The following PBRM1 variants were observed in gnomAD, a reference collection of about 807,000 sequenced individuals.
The protein encoded by PBRM1 is protein polybromo-1.
A neutral mutation model predicts 194.5 loss-of-function variants in PBRM1; 27 were observed. The ratio of observed to expected loss-of-function variants is 0.14; its 90% CI spans 0.10 to 0.19. PBRM1 has a LOEUF of 0.19. Among genes scored for constraint, PBRM1 ranks in the 10% least tolerant of loss-of-function variants. PBRM1 has a pLI of 1.00. For missense variants in PBRM1, 1,466 were observed against 2,077.2 expected (o/e 0.71, Z 5.72); for synonymous variants, 655 against 693.2 (o/e 0.94, Z 0.87).
chr3:52,617,184 G>A (rs529354641), intron 14 of PBRM1, 78 bp downstream of exon 16: 1 of 1,127,970 alleles, frequency 8.9e-7, no homozygotes. Context: ...TCTAGAGCTG[G>A]TCTCTCAAAA....
chr3:52,580,628 C>T lies in PBRM1; in HGVS notation c.3388-1429G>A, dbSNP rs369519827. Among the ~76,000 whole-genome samples the T allele has an allele frequency of 5.4e-3, 815 of 152,248 alleles. 8 individuals are homozygous for T. Among genetic ancestry groups the T allele is most frequent in the African/African-American group, 0.018 (749 of 41,544 alleles). On this transcript the variant is annotated intron_variant, in intron 20 of 29. Transcript: ENST00000296302. ...CCACCCGCCTTGGCCTCCCAAAGTG[C>T]GGGGATTACAGGCGTGAGCCACTGC...
At chr3:52,673,265 G>A (rs1246650316) in intron 2 of PBRM1, among the ~76,000 whole-genome samples, 3 of 151,574 alleles carry the variant, frequency 2.0e-5, no homozygotes, top group African/African-American at 7.3e-5. Flanking sequence ...TGGGATTACA[G>A]GCATGAGCCA....
chr3:52,658,274 A>C (rs1309464683), exon 5 of PBRM1: 3 of 1,612,954 alleles, frequency 1.9e-6, no homozygotes, highest in Non-Finnish European at 2.5e-6. Flanking sequence ...CTATGGCTTC[A>C]AGAAGCTGCT....
At chr3:52,548,352 T>C (rs1385237184) in intron 29 of PBRM1, 117 bp from the exon 32 acceptor site, 8 of 610,268 alleles carry the variant, frequency 1.3e-5, no homozygotes, top group Non-Finnish European at 2.1e-5. Flanking sequence ...TATTAAATAT[T>C]ATGAATTTTA....
At chr3:52,661,650 G>A (rs1577918459) in intron 4 of PBRM1, among the ~76,000 whole-genome samples, 1 of 152,154 alleles carries the variant, frequency 6.6e-6, no homozygotes, top group South Asian at 2.1e-4. Context: ...AGCCAGTCAC[G>A]GGAAAAGTCA....
At chr3:52,589,195 T>C in exon 18 of PBRM1, 1 of 1,600,326 alleles carries the variant, frequency 6.2e-7, no homozygotes, top group Non-Finnish European at 8.5e-7. Flanking sequence ...GTCCTGGCTG[T>C]ATGTGCGATG....
chr3:52,639,993 G>C (rs1328778845), intron 10 of PBRM1, among the ~76,000 whole-genome samples: 4 of 152,188 alleles, frequency 2.6e-5, no homozygotes, highest in Non-Finnish European at 5.9e-5. Context: ...CTTGAGAGAA[G>C]AGGGCTTCCA....
intron 12 of PBRM1, among the ~76,000 whole-genome samples, chr3:52,628,553 C>T (rs1442734634): frequency 6.6e-6 from 1 of 151,832 alleles, no homozygotes; most frequent in Non-Finnish European, 1.5e-5. Flanking sequence ...TCACTGCAAC[C>T]TCCACTTCCC....
At chr3:52,581,716 C>T (rs1010610124) in intron 20 of PBRM1, among the ~76,000 whole-genome samples, 1 of 151,746 alleles carries the variant, frequency 6.6e-6, no homozygotes, top group Non-Finnish European at 1.5e-5. Flanking sequence ...CGGCTCACTG[C>T]AACCTCTCCC....
chr3:52,666,727 T>C (rs1695554058), intron 3 of PBRM1, among the ~76,000 whole-genome samples: 1 of 150,790 alleles, frequency 6.6e-6, no homozygotes, highest in Non-Finnish European at 1.5e-5. Context: ...CCCGTCTCTA[T>C]CAAAAATACA....
chr3:52,556,928 G>GTT (rs199532939), intron 26 of PBRM1, among the ~76,000 whole-genome samples: 36 of 138,036 alleles, frequency 2.6e-4, no homozygotes, highest in African/African-American at 6.0e-4. Flanking sequence ...TGCAGCTGCT[G>GTT]TTTTTTTTTT....
intron 17 of PBRM1, among the ~76,000 whole-genome samples, chr3:52,595,520 T>C (rs1369659618): frequency 1.3e-5 from 2 of 152,240 alleles, no homozygotes; most frequent in African/African-American, 4.8e-5. Flanking sequence ...CACTTTTTAA[T>C]TGGATTATTA....
intron 22 of PBRM1, 64 bp from the exon 25 acceptor site, chr3:52,564,297 A>C: frequency 8.5e-7 from 1 of 1,174,356 alleles, no homozygotes; most frequent in Non-Finnish European, 1.3e-6. Context: ...TAACTGTTTT[A>C]ACATTTTATT....
At chr3:52,589,186 T>C in exon 18 of PBRM1, 1 of 1,604,692 alleles carries the variant, frequency 6.2e-7, no homozygotes, top group African/African-American at 1.3e-5. Flanking sequence ...AAAGCTACAG[T>C]CCTGGCTGTA....
At chr3:52,650,107 T>C (rs1299638444) in intron 6 of PBRM1, among the ~76,000 whole-genome samples, 3 of 151,962 alleles carry the variant, frequency 2.0e-5, no homozygotes, top group Non-Finnish European at 2.9e-5. Flanking sequence ...ACACCTATAA[T>C]CTCTATGCAC....
intron 15 of PBRM1, among the ~76,000 whole-genome samples, chr3:52,614,906 G>C (rs2094874314): frequency 6.6e-6 from 1 of 151,842 alleles, no homozygotes; most frequent in Non-Finnish European, 1.5e-5. Context: ...ACCAACCACA[G>C]ACTACACTCA....
chr3:52,617,579 G>A, intron 13 of PBRM1, 41 bp from the exon 16 acceptor site: 1 of 1,481,670 alleles, frequency 6.7e-7, no homozygotes, highest in South Asian at 1.3e-5. Flanking sequence ...ATTAGAATAG[G>A]TTCAGTTTTC....
intron 25 of PBRM1, chr3:52,560,528 T>C (rs994722065): frequency 3.9e-5 from 6 of 152,212 alleles, no homozygotes; most frequent in Non-Finnish European, 8.8e-5. Flanking sequence ...ATAAAACAGC[T>C]TATTTACTGG....
intron 22 of PBRM1, among the ~76,000 whole-genome samples, chr3:52,573,811 A>G (rs1048804728): frequency 7.9e-5 from 12 of 152,232 alleles, no homozygotes; most frequent in African/African-American, 2.7e-4. Flanking sequence ...TTGGCAGGAA[A>G]GCTCTGTGGC....
Sources: gnomAD v4.1 joint callset for allele counts (sites outside exome capture counted in the v4.1 genomes callset) on GRCh38, gnomAD v4.1.1 for gene constraint, MANE v1.5 for transcripts, NCBI Gene and HGNC (gene_info 2026-07-23, HGNC 2026-07-21) for gene names.